The following SCHIP1 variants were observed in gnomAD, a reference collection of about 807,000 sequenced individuals.
SCHIP1 encodes the protein schwannomin-interacting protein 1.
SCHIP1 carries 8 observed loss-of-function variants against 29.7 expected under a neutral mutation model. That is an observed-to-expected ratio of 0.27 (90% CI 0.16 to 0.49). The LOEUF (loss-of-function observed/expected upper bound fraction) is 0.49. Ranked by LOEUF, SCHIP1 falls within the 20% of genes least tolerant of loss-of-function variation. The probability of loss-of-function intolerance (pLI) is 0.99; values close to 1 mark genes in which losing one functional copy is unlikely to be tolerated. For synonymous variants in SCHIP1, 76 were observed against 94.9 expected (o/e 0.80, Z 1.16); for missense variants, 193 against 294.6 (o/e 0.66, Z 2.52).
the SCHIP1 span, among the ~76,000 whole-genome samples, chr3:159,589,145 C>T: frequency 6.6e-5 from 10 of 152,112 alleles, no homozygotes; most frequent in Non-Finnish European, 1.5e-4. Flanking sequence ...TTTCGCTGAG[C>T]AGTGGTTTGT....
At chr3:159,520,974 C>T in the SCHIP1 span, among the ~76,000 whole-genome samples, 2 of 152,134 alleles carry the variant, frequency 1.3e-5, no homozygotes, top group East Asian at 1.9e-4. Context: ...TGTGATGTAA[C>T]GTCTGTAATT....
At chr3:159,481,154 G>A in the SCHIP1 span, among the ~76,000 whole-genome samples, 1 of 152,206 alleles carries the variant, frequency 6.6e-6, no homozygotes, top group African/African-American at 2.4e-5. Context: ...TGGCCTCAGA[G>A]GCCTGACACT....
chr3:159,725,111 TCA>T, the SCHIP1 span, among the ~76,000 whole-genome samples: 187 of 152,270 alleles, frequency 1.2e-3, no homozygotes, highest in African/African-American at 4.4e-3. Context: ...CTCATTCATC[TCA>T]GTTTGATGCG....
chr3:159,718,189 T>A, the SCHIP1 span, among the ~76,000 whole-genome samples: 1 of 152,314 alleles, frequency 6.6e-6, no homozygotes, highest in African/African-American at 2.4e-5. Context: ...CAGCCTTTCA[T>A]GCGAAAAACT....
the SCHIP1 span, among the ~76,000 whole-genome samples, chr3:159,651,569 C>T: frequency 8.5e-5 from 13 of 152,140 alleles, no homozygotes; most frequent in Non-Finnish European, 5.9e-5. Flanking sequence ...CATTAAAATG[C>T]ATTTTTGTTT....
chr3:159,334,710 C>A, the SCHIP1 span, among the ~76,000 whole-genome samples: 1 of 152,130 alleles, frequency 6.6e-6, no homozygotes, highest in Non-Finnish European at 1.5e-5. Context: ...TTGTTGCATA[C>A]ACCAATTGTT....
intron 1 of SCHIP1, among the ~76,000 whole-genome samples, chr3:159,849,352 T>C (rs1712263776): frequency 6.6e-6 from 1 of 152,202 alleles, no homozygotes; most frequent in Non-Finnish European, 1.5e-5. Flanking sequence ...AAAAAGATAC[T>C]AGTAATCAGG....
the SCHIP1 span, among the ~76,000 whole-genome samples, chr3:159,373,827 T>G: frequency 6.6e-6 from 1 of 152,200 alleles, no homozygotes; most frequent in South Asian, 2.1e-4. Flanking sequence ...ATTCATTTGT[T>G]GATGGACATT....
the SCHIP1 span, among the ~76,000 whole-genome samples, chr3:159,524,041 C>T: frequency 1.3e-5 from 2 of 152,202 alleles, no homozygotes; most frequent in African/African-American, 2.4e-5. Context: ...TATTACAAAA[C>T]TTTTGATTCC....
the SCHIP1 span, among the ~76,000 whole-genome samples, chr3:159,358,410 G>A: frequency 1.3e-5 from 2 of 152,314 alleles, no homozygotes; most frequent in Admixed American, 1.3e-4. Flanking sequence ...GTATAATTGG[G>A]AAATGGCAAG....
the SCHIP1 span, among the ~76,000 whole-genome samples, chr3:159,392,865 C>T: frequency 2.6e-5 from 4 of 152,166 alleles, no homozygotes; most frequent in Non-Finnish European, 5.9e-5. Context: ...ATTTCTAGTT[C>T]TAGATGCCTG....
chr3:159,684,982 T>C, the SCHIP1 span, among the ~76,000 whole-genome samples: 190 of 152,266 alleles, frequency 1.2e-3, no homozygotes, highest in African/African-American at 4.5e-3. Context: ...AGCCTCCAGA[T>C]TGTCTTTAAC....
At chr3:159,343,429 G>A in the SCHIP1 span, among the ~76,000 whole-genome samples, 1 of 152,214 alleles carries the variant, frequency 6.6e-6, no homozygotes. Flanking sequence ...AAGCCAGGGA[G>A]ACCCTGTTTC....
At position 159,865,093 on chromosome 3, in the gene SCHIP1, A is replaced by G. The variant is rs555425896; in HGVS notation, c.31-1070A>G. Among the ~76,000 whole-genome samples the G allele has an allele frequency of 3.3e-5, 5 of 152,256 alleles. No individual in the cohort carries two copies. In the East Asian group the frequency reaches 9.7e-4, roughly 29 times the overall value. ...TGCTCCAGAACCTCCTACTGGGAGAATGAAGGCATCACCAAGCCTTTAGTA... is the reference window on the plus strand; with the variant it reads ...TGCTCCAGAACCTCCTACTGGGAGAGTGAAGGCATCACCAAGCCTTTAGTA... On this transcript the variant is annotated intron_variant, in intron 1 of 6. Transcript: ENST00000445224.
chr3:159,656,860 G>A, the SCHIP1 span, among the ~76,000 whole-genome samples: 1 of 152,076 alleles, frequency 6.6e-6, no homozygotes, highest in South Asian at 2.1e-4. Flanking sequence ...AGAGTGACAA[G>A]GGAAGGATTC....
the SCHIP1 span, among the ~76,000 whole-genome samples, chr3:159,475,580 TA>T: frequency 6.6e-6 from 1 of 152,196 alleles, no homozygotes; most frequent in African/African-American, 2.4e-5. Context: ...TTATTGTATT[TA>T]AATTATATTC....
At chr3:159,839,742 T>A, upstream of SCHIP1, 1 of 415,842 alleles carries the variant, frequency 2.4e-6, no homozygotes, top group Non-Finnish European at 3.9e-6. Flanking sequence ...TTGATTTGTG[T>A]CTGTCCCTCT....
the SCHIP1 span, among the ~76,000 whole-genome samples, chr3:159,457,275 G>T: frequency 6.6e-6 from 1 of 152,138 alleles, no homozygotes; most frequent in Non-Finnish European, 1.5e-5. Flanking sequence ...ATGTAATTGT[G>T]AGTTGTGCTA....
chr3:159,746,101 C>T, the SCHIP1 span, among the ~76,000 whole-genome samples: 131 of 152,220 alleles, frequency 8.6e-4, no homozygotes, highest in East Asian at 0.015. Flanking sequence ...TATACAATTA[C>T]GTAAATGCTT....
Sources: allele counts gnomAD v4.1 joint callset (sites outside exome capture counted in the v4.1 genomes callset), GRCh38; gene constraint gnomAD v4.1.1; transcripts MANE v1.5; gene names NCBI Gene and HGNC (gene_info 2026-07-23, HGNC 2026-07-21).